Variants in RAD51B observed in about 807,000 individuals in gnomAD.
RAD51B encodes DNA repair protein RAD51 homolog 2.
RAD51B carries 38 observed loss-of-function variants against 42.2 expected under a neutral mutation model. The ratio of observed to expected loss-of-function variants is 0.90; its 90% confidence interval spans 0.70 to 1.18. The LOEUF is 1.18. RAD51B is among the 50% of genes most tolerant of loss of function. RAD51B has a pLI of 0.00. For missense variants in RAD51B, 373 were observed against 400.7 expected (o/e 0.93, Z 0.59); for synonymous variants, 154 against 145.2 (o/e 1.06, Z -0.43).
intron 10 of RAD51B, among the ~76,000 whole-genome samples, chr14:68,514,429 G>A (rs1451146446): frequency 2.0e-5 from 3 of 152,176 alleles, no homozygotes; most frequent in African/African-American, 7.2e-5. Flanking sequence ...ATCTGATCAA[G>A]AAAAATAATC....
intron 7 of RAD51B, among the ~76,000 whole-genome samples, chr14:68,283,781 G>C (rs1802862637): frequency 6.6e-6 from 1 of 152,222 alleles, no homozygotes; most frequent in Non-Finnish European, 1.5e-5. Flanking sequence ...CTATGGCACG[G>C]TAGCTGCCGG....
chr14:68,001,098 A>T (rs1408019297), intron 7 of RAD51B, among the ~76,000 whole-genome samples: 1 of 152,138 alleles, frequency 6.6e-6, no homozygotes, highest in African/African-American at 2.4e-5. Context: ...AATAGTTTTT[A>T]AAAAATGGGA....
intron 10 of RAD51B, among the ~76,000 whole-genome samples, chr14:68,622,444 C>T (rs913440735): frequency 2.6e-5 from 4 of 152,070 alleles, no homozygotes; most frequent in Admixed American, 2.6e-4. Context: ...AAGCGGGAGG[C>T]TGTTTACCAA....
intron 10 of RAD51B, among the ~76,000 whole-genome samples, chr14:68,610,681 T>G (rs1056518495): frequency 1.3e-5 from 2 of 152,230 alleles, no homozygotes; most frequent in Non-Finnish European, 2.9e-5. Context: ...CTGTTTTATC[T>G]TCCAGAGACA....
chr14:68,000,161 A>AT (rs1240430936), intron 7 of RAD51B: 1 of 152,164 alleles, frequency 6.6e-6, no homozygotes, highest in East Asian at 1.9e-4. Flanking sequence ...CCTGTGGAAA[A>AT]TTCCTGTGGG....
At chr14:68,010,341 A>G (rs1458525288) in intron 7 of RAD51B, among the ~76,000 whole-genome samples, 2 of 152,024 alleles carry the variant, frequency 1.3e-5, no homozygotes, top group East Asian at 3.9e-4. Context: ...GCAAGTCAAT[A>G]TATAATCAAC....
downstream of RAD51B, among the ~76,000 whole-genome samples, chr14:68,597,803 T>TG (rs1555430373): frequency 7.0e-6 from 1 of 143,518 alleles, no homozygotes; most frequent in Non-Finnish European, 1.5e-5. Flanking sequence ...AAATACAAGT[T>TG]AAAAAAAAAA....
chr14:68,174,403 G>A (rs1355206191), intron 7 of RAD51B, among the ~76,000 whole-genome samples: 2 of 151,950 alleles, frequency 1.3e-5, no homozygotes, highest in Admixed American at 6.6e-5. Flanking sequence ...AAAAAAAGTG[G>A]TTATAAGAAC....
chr14:68,225,226 A>G (rs1031120041), intron 7 of RAD51B, among the ~76,000 whole-genome samples: 10 of 152,218 alleles, frequency 6.6e-5, no homozygotes, highest in Non-Finnish European at 1.3e-4. Context: ...AATTATTTGC[A>G]CTAATGGAGG....
chr14:68,563,614 A>G, intron 10 of RAD51B: 2 of 985,440 alleles, frequency 2.0e-6, no homozygotes, highest in Non-Finnish European at 2.4e-6. Context: ...AGCTGCCTGC[A>G]AGGGGTGAGA....
downstream of RAD51B, among the ~76,000 whole-genome samples, chr14:68,596,456 G>A (rs958469621): frequency 2.0e-5 from 3 of 152,150 alleles, no homozygotes; most frequent in African/African-American, 7.2e-5. Context: ...AAAAGAAAGG[G>A]GCTGGGGAGA....
intron 7 of RAD51B, among the ~76,000 whole-genome samples, chr14:68,255,109 T>G (rs2080725454): frequency 6.6e-6 from 1 of 152,176 alleles, no homozygotes; most frequent in Non-Finnish European, 1.5e-5. Flanking sequence ...CATTCTCTTC[T>G]TCCTTGACTT....
intron 7 of RAD51B, among the ~76,000 whole-genome samples, chr14:67,951,529 C>G (rs1347014350): frequency 6.6e-6 from 1 of 152,138 alleles, no homozygotes; most frequent in Non-Finnish European, 1.5e-5. Flanking sequence ...AGAAGAGTAA[C>G]AGTATAGTTA....
intron 9 of RAD51B, among the ~76,000 whole-genome samples, chr14:68,420,200 A>G (rs1483076401): frequency 6.6e-6 from 1 of 152,172 alleles, no homozygotes; most frequent in Non-Finnish European, 1.5e-5. Context: ...TTCCTGTACC[A>G]TGTGCTCTGA....
At chr14:68,575,044 AC>A (rs1013347721) in intron 10 of RAD51B, among the ~76,000 whole-genome samples, 4 of 152,140 alleles carry the variant, frequency 2.6e-5, no homozygotes, top group African/African-American at 9.7e-5. Flanking sequence ...CTCCACAATG[AC>A]TTTTTCTCTA....
intron 7 of RAD51B, among the ~76,000 whole-genome samples, chr14:68,069,058 T>G (rs1459562503): frequency 6.6e-6 from 1 of 152,208 alleles, no homozygotes; most frequent in African/African-American, 2.4e-5. Context: ...CTAAAGTTGC[T>G]TTAGTATTCT....
chr14:68,369,750 AG>A (rs1171837956), intron 8 of RAD51B, among the ~76,000 whole-genome samples: 5 of 152,240 alleles, frequency 3.3e-5, no homozygotes, highest in Non-Finnish European at 1.5e-5. Context: ...AGCTCAGTAC[AG>A]GTTGCTGAGT....
chr14:68,315,721 A>G (rs1022301870), intron 8 of RAD51B, among the ~76,000 whole-genome samples: 3 of 152,160 alleles, frequency 2.0e-5, no homozygotes, highest in African/African-American at 7.2e-5. Flanking sequence ...ACAGGGTTTC[A>G]CCATGTTAGC....
At chr14:68,132,361 T>C (rs2077910998) in intron 7 of RAD51B, among the ~76,000 whole-genome samples, 1 of 152,150 alleles carries the variant, frequency 6.6e-6, no homozygotes, top group Non-Finnish European at 1.5e-5. Context: ...TCTTTGAATA[T>C]TGGAAAGAGG....
Sources: allele counts gnomAD v4.1 joint callset (sites outside exome capture counted in the v4.1 genomes callset), GRCh38; gene constraint gnomAD v4.1.1; transcripts MANE v1.5; gene names NCBI Gene and HGNC (gene_info 2026-07-23, HGNC 2026-07-21).